The following PATJ variants were observed in gnomAD, a reference collection of about 807,000 sequenced individuals.
PATJ encodes PATJ crumbs cell polarity complex component, also known as inaD-like protein.
In PATJ, 190 loss-of-function variants were observed where a neutral mutation model predicts 224.9. The observed-to-expected ratio is 0.84, with a 90% CI of 0.75 to 0.95. PATJ has a LOEUF of 0.95. Ranked by LOEUF, PATJ falls within the 40% of genes least tolerant of loss-of-function variation. The pLI is 0.00. For missense variants in PATJ, 2,121 were observed against 2,270.3 expected, an observed-to-expected ratio of 0.93 and a Z score of 1.34; for synonymous variants, 769 against 820.3, an observed-to-expected ratio of 0.94 and a Z score of 1.07.
At chr1:61,940,295 T>C (rs1677606639) in intron 27 of PATJ, among the ~76,000 whole-genome samples, 1 of 152,164 alleles carries the variant, frequency 6.6e-6, no homozygotes, top group Non-Finnish European at 1.5e-5. Flanking sequence ...TTAGAAGATA[T>C]GCATTTATAT....
intron 28 of PATJ, among the ~76,000 whole-genome samples, chr1:62,008,097 A>T (rs897101851): frequency 6.6e-6 from 1 of 152,212 alleles, no homozygotes; most frequent in African/African-American, 2.4e-5. Flanking sequence ...CAGAAGCTTA[A>T]TGAACATGTA....
At chr1:61,863,393 A>G (rs1557775851) in intron 19 of PATJ, among the ~76,000 whole-genome samples, 1 of 152,152 alleles carries the variant, frequency 6.6e-6, no homozygotes, top group Non-Finnish European at 1.5e-5. Context: ...GGAGAAGACA[A>G]TAGAAAAGAA....
chr1:62,038,111 CA>C, intron 30 of PATJ, 62 bp downstream of exon 30: 1 of 1,029,920 alleles, frequency 9.7e-7, no homozygotes, highest in South Asian at 1.8e-5. Context: ...CATTTTCCCC[CA>C]ATCTGACATT....
At chr1:61,985,803 A>G (rs982813921) in intron 27 of PATJ, among the ~76,000 whole-genome samples, 1 of 152,022 alleles carries the variant, frequency 6.6e-6, no homozygotes, top group Non-Finnish European at 1.5e-5. Context: ...TCATGGGGAA[A>G]ACTTCTTTCT....
intron 39 of PATJ, among the ~76,000 whole-genome samples, chr1:62,125,248 A>AAAAAAAAAG (rs1665565556): frequency 9.7e-6 from 1 of 102,706 alleles, no homozygotes; most frequent in Non-Finnish European, 2.0e-5. Flanking sequence ...AAAAAAAAAA[A>AAAAAAAAAG]AAAAACAAAA....
chr1:62,076,819 T>C (rs924814147), intron 31 of PATJ, among the ~76,000 whole-genome samples: 3 of 152,200 alleles, frequency 2.0e-5, no homozygotes, highest in African/African-American at 4.8e-5. Context: ...CCCAGCTTTG[T>C]TGGGAATCCA....
intron 27 of PATJ, among the ~76,000 whole-genome samples, chr1:61,943,899 G>T (rs1678238063): frequency 6.6e-6 from 1 of 152,144 alleles, no homozygotes; most frequent in Non-Finnish European, 1.5e-5. Flanking sequence ...CCAGAGGAAG[G>T]ATCAGGCAGC....
intron 27 of PATJ, among the ~76,000 whole-genome samples, chr1:61,965,102 A>G (rs1681900789): frequency 7.8e-6 from 1 of 129,016 alleles, no homozygotes; most frequent in South Asian, 2.7e-4. Context: ...AGCCTGGGCC[A>G]CTGAAGGAGA....
At chr1:61,932,467 T>A (rs905236887) in intron 27 of PATJ, among the ~76,000 whole-genome samples, 1 of 152,112 alleles carries the variant, frequency 6.6e-6, no homozygotes, top group Non-Finnish European at 1.5e-5. Context: ...GAGAAAGGTG[T>A]TTCAAGAAGG....
chr1:62,148,448 T>C (rs1261905091), intron 42 of PATJ, 58 bp downstream of exon 42: 15 of 1,267,096 alleles, frequency 1.2e-5, no homozygotes, highest in Non-Finnish European at 1.7e-5. Context: ...CGGAAGAACT[T>C]TTCCAGACAC....
At chr1:62,091,980 C>T (rs1264477157) in intron 33 of PATJ, among the ~76,000 whole-genome samples, 3 of 147,390 alleles carry the variant, frequency 2.0e-5, no homozygotes, top group East Asian at 2.0e-4. Flanking sequence ...CACTTGAACA[C>T]GGGAGGCGGA....
intron 42 of PATJ, among the ~76,000 whole-genome samples, chr1:62,149,092 C>T (rs1005269300): frequency 1.5e-4 from 22 of 147,396 alleles, no homozygotes; most frequent in Non-Finnish European, 2.2e-4. Flanking sequence ...TGCACTACTG[C>T]ACTCCAGCCT....
At chr1:62,053,536 A>C (rs1654015409) in intron 31 of PATJ, among the ~76,000 whole-genome samples, 1 of 152,188 alleles carries the variant, frequency 6.6e-6, no homozygotes, top group South Asian at 2.1e-4. Context: ...CCTGACCAAC[A>C]TGGAGAAACC....
intron 41 of PATJ, among the ~76,000 whole-genome samples, chr1:62,147,094 G>C (rs1378957013): frequency 2.6e-5 from 4 of 152,088 alleles, no homozygotes; most frequent in African/African-American, 4.8e-5. Flanking sequence ...TCTGGTGTTA[G>C]GTAAGCATTG....
chr1:62,004,871 A>G lies in PATJ; in HGVS notation c.3868-12985A>G, dbSNP rs545513374. Among the ~76,000 whole-genome samples the G allele has an allele frequency of 3.3e-5, 5 of 152,340 alleles. No homozygotes were observed. In the South Asian group the frequency reaches 6.2e-4, roughly 19 times the overall value. ...CTCACAGAACTTTCTTTAAACCCAC[A>G]CAGAAACTTTTACATAAATGAAAAT... On this transcript the variant is annotated intron_variant, in intron 28 of 43. Coordinates refer to ENST00000642238, the MANE Select transcript of PATJ (RefSeq NM_001350145.3).
chr1:61,748,531 C>T (rs1409193169), intron 1 of PATJ, among the ~76,000 whole-genome samples: 2 of 152,038 alleles, frequency 1.3e-5, no homozygotes, highest in Non-Finnish European at 2.9e-5. Flanking sequence ...GCTGTGATTA[C>T]AGGCGTGAGC....
rs113270042 is a variant in PATJ, at chr1:62,135,220, G to A, written c.5271+6275G>A. ...AGTCTCCAGGGTTTGCAAATAAAAAGCCAACTAATGCTTAGGCCAGGTGTG... is the reference window on the plus strand; with the variant it reads ...AGTCTCCAGGGTTTGCAAATAAAAAACCAACTAATGCTTAGGCCAGGTGTG... On this transcript the variant is annotated intron_variant, in intron 41 of 43. Coordinates refer to ENST00000642238, the MANE Select transcript of PATJ (RefSeq NM_001350145.3). Among the ~76,000 whole-genome samples the A allele has an allele frequency of 2.0e-3, 300 of 152,038 alleles. 2 individuals are homozygous for A. Among genetic ancestry groups the A allele is most frequent in the African/African-American group, 6.6e-3 (275 of 41,496 alleles).
chr1:62,005,907 G>C (rs1646063028), intron 28 of PATJ, among the ~76,000 whole-genome samples: 1 of 152,040 alleles, frequency 6.6e-6, no homozygotes, highest in African/African-American at 2.4e-5. Flanking sequence ...ATTGTGGGTG[G>C]GGTATTGTTA....
chr1:62,019,346 G>T (rs1173639762), intron 29 of PATJ, among the ~76,000 whole-genome samples: 1 of 151,590 alleles, frequency 6.6e-6, no homozygotes, highest in Non-Finnish European at 1.5e-5. Flanking sequence ...AGCCAACATG[G>T]TGAAACCCTG....
Sources: allele counts gnomAD v4.1 joint callset (sites outside exome capture counted in the v4.1 genomes callset), GRCh38; gene constraint gnomAD v4.1.1; transcripts MANE v1.5; gene names NCBI Gene and HGNC (gene_info 2026-07-23, HGNC 2026-07-21).